The following GALNTL6 variants were observed in gnomAD, a reference collection of about 807,000 sequenced individuals.
GALNTL6 encodes polypeptide N-acetylgalactosaminyltransferase-like 6.
Under a neutral mutation model 73.7 loss-of-function variants are expected in GALNTL6, and 46 were observed. The observed-to-expected ratio is 0.62, with a 90% CI of 0.49 to 0.80. GALNTL6 has a LOEUF of 0.80. Among genes scored for constraint, GALNTL6 ranks in the 30% least tolerant of loss-of-function variants. The pLI, the probability that GALNTL6 is intolerant of heterozygous loss-of-function variation, is 0.00. For missense variants in GALNTL6, 604 were observed against 755.0 expected (o/e 0.80, Z 2.34); for synonymous variants, 259 against 263.7 (o/e 0.98, Z 0.17).
At chr4:172,998,973 A>G (rs566791206) in intron 10 of GALNTL6, among the ~76,000 whole-genome samples, 3 of 133,358 alleles carry the variant, frequency 2.2e-5, no homozygotes, top group Non-Finnish European at 3.2e-5. Flanking sequence ...TAATTTGAAT[A>G]GGGACATTTT....
rs1749476154 is a variant in GALNTL6, at chr4:172,952,125, G to A, written c.1238G>A (p.Gly413Glu). 1.9e-6 allele frequency: 3 copies of A among 1,614,108 alleles called. No homozygotes were observed. In the Admixed American group the frequency reaches 5.0e-5, roughly 27 times the overall value. The change falls in exon 10 of 13, where the codon GGG becomes GAG. Residue 413 changes from glycine (G) to glutamate (E), a missense_variant. Physicochemically the swap from Gly to Glu is moderately conservative, Grantham distance 98. Around this residue, in one of 5 missense-constraint regions of GALNTL6, gnomAD observed 261 missense variants for 296.5 expected, o/e 0.88. Transcript: ENST00000506823. ...CCGGAGTACAGGCATCTCTCCACGG[G>A]GGACATCTCTGCCCAGAAGGAGCTG... ...RRPEYRHLST[G>E]DISAQKELRK... is the part of the protein sequence containing the mutation.
chr4:172,117,507 G>A (rs1261066757), intron 2 of GALNTL6, among the ~76,000 whole-genome samples: 4 of 152,036 alleles, frequency 2.6e-5, no homozygotes, highest in Non-Finnish European at 4.4e-5. Flanking sequence ...GGACATCTAC[G>A]TTTGTTTTAT....
chr4:172,375,110 G>T (rs1742979042), intron 5 of GALNTL6, among the ~76,000 whole-genome samples: 1 of 152,150 alleles, frequency 6.6e-6, no homozygotes, highest in Non-Finnish European at 1.5e-5. Flanking sequence ...TTAATAGGAA[G>T]GGGAGCTATA....
intron 5 of GALNTL6, chr4:172,668,363 G>T (rs758670126): frequency 6.6e-6 from 1 of 152,166 alleles, no homozygotes; most frequent in Non-Finnish European, 1.5e-5. Flanking sequence ...TCCCAACACT[G>T]AAGTCTCAAA....
chr4:171,984,544 T>C (rs976382129), intron 2 of GALNTL6, among the ~76,000 whole-genome samples: 7 of 152,106 alleles, frequency 4.6e-5, no homozygotes, highest in African/African-American at 1.7e-4. Flanking sequence ...AAACTGAATG[T>C]TATCTCTGGA....
intron 5 of GALNTL6, among the ~76,000 whole-genome samples, chr4:172,772,701 C>A (rs1399698891): frequency 1.4e-5 from 2 of 146,484 alleles, no homozygotes; most frequent in Non-Finnish European, 3.0e-5. Context: ...AAAGAGCTTA[C>A]ACTTTCCATG....
At chr4:172,043,602 G>A (rs914059580) in intron 2 of GALNTL6, among the ~76,000 whole-genome samples, 5 of 151,888 alleles carry the variant, frequency 3.3e-5, no homozygotes, top group African/African-American at 9.7e-5. Flanking sequence ...TTAGAATACG[G>A]GTTACAAATG....
intron 7 of GALNTL6, among the ~76,000 whole-genome samples, chr4:172,817,008 T>A (rs1222616307): frequency 6.7e-6 from 1 of 149,650 alleles, no homozygotes; most frequent in Non-Finnish European, 1.5e-5. Flanking sequence ...CTTAGGAGGC[T>A]GAGGCAGGAG....
At chr4:172,273,298 G>C (rs932424909) in intron 3 of GALNTL6, among the ~76,000 whole-genome samples, 24 of 152,106 alleles carry the variant, frequency 1.6e-4, no homozygotes, top group Admixed American at 1.6e-3. Context: ...TGTGTGCATC[G>C]TGCATTTTCA....
intron 5 of GALNTL6, among the ~76,000 whole-genome samples, chr4:172,696,162 C>T (rs1386828210): frequency 6.6e-6 from 1 of 152,106 alleles, no homozygotes; most frequent in Non-Finnish European, 1.5e-5. Context: ...TTTCCAGTGG[C>T]CTAATGTGTC....
chr4:172,560,691 T>A (rs1047894024), intron 5 of GALNTL6, among the ~76,000 whole-genome samples: 1 of 152,152 alleles, frequency 6.6e-6, no homozygotes, highest in African/African-American at 2.4e-5. Context: ...TTCTGTTTCA[T>A]TTTTCTCCAT....
intron 6 of GALNTL6, among the ~76,000 whole-genome samples, chr4:172,810,598 C>T (rs966345983): frequency 2.0e-5 from 3 of 151,768 alleles, no homozygotes; most frequent in South Asian, 2.1e-4. Context: ...AGATGTGAGG[C>T]GGGGGGGCGG....
intron 5 of GALNTL6, among the ~76,000 whole-genome samples, chr4:172,718,329 A>T (rs1735234975): frequency 6.6e-6 from 1 of 152,192 alleles, no homozygotes. Flanking sequence ...AATAATATTT[A>T]ACCTTTAAAA....
intron 2 of GALNTL6, among the ~76,000 whole-genome samples, chr4:171,950,865 A>G (rs1738856961): frequency 6.6e-6 from 1 of 152,160 alleles, no homozygotes; most frequent in South Asian, 2.1e-4. Context: ...TAAGACGCAC[A>G]TTAAATTATG....
At chr4:172,379,700 G>A (rs528166269) in intron 5 of GALNTL6, among the ~76,000 whole-genome samples, 3 of 150,480 alleles carry the variant, frequency 2.0e-5, no homozygotes, top group East Asian at 3.9e-4. Context: ...AAACACCCAC[G>A]CCCCTGGAGC....
At chr4:171,923,711 G>C (rs960833268) in intron 2 of GALNTL6, among the ~76,000 whole-genome samples, 1 of 150,440 alleles carries the variant, frequency 6.6e-6, no homozygotes, top group African/African-American at 2.4e-5. Flanking sequence ...TTTTAAAAAG[G>C]CTTACTGGAA....
intron 2 of GALNTL6, among the ~76,000 whole-genome samples, chr4:172,022,197 A>T (rs1001263571): frequency 3.3e-5 from 5 of 151,996 alleles, no homozygotes; most frequent in African/African-American, 9.7e-5. Context: ...CTGACAAGAG[A>T]TTTTTATTAT....
chr4:172,539,601 A>C (rs1735475022), intron 5 of GALNTL6, among the ~76,000 whole-genome samples: 1 of 152,126 alleles, frequency 6.6e-6, no homozygotes, highest in African/African-American at 2.4e-5. Flanking sequence ...AGACCATATT[A>C]GCCCAACTCA....
chr4:173,021,571 T>C lies in GALNTL6; in HGVS notation c.1584T>C (p.Val528=). 6.2e-7 allele frequency: 1 copy of C among 1,614,156 alleles called. No homozygotes were observed. Among genetic ancestry groups the C allele is most frequent in the Non-Finnish European group, 8.5e-7 (1 of 1,180,016 alleles). The change falls in exon 12 of 13, where the codon GTT becomes GTC. Residue 528 remains valine, a synonymous_variant. Transcript: ENST00000506823. ...ATGCGATCTCACACAACAGCCCCGT[T>C]ACACTCTATGACTGTCATGGCATGA... is the stretch of plus-strand genomic sequence containing the variant. ...CFDAISHNSP[V]TLYDCHGMKG... is the part of the protein sequence containing the mutation.
Sources: gnomAD v4.1 joint callset for allele counts (sites outside exome capture counted in the v4.1 genomes callset) on GRCh38, gnomAD v4.1.1 for gene constraint, gnomAD v4.1.1 regional missense constraint, MANE v1.5 for transcripts, NCBI Gene and HGNC (gene_info 2026-07-23, HGNC 2026-07-21) for gene names.